COBL: variants seen among roughly 807,000 people sequenced by gnomAD.
COBL encodes cordon-bleu WH2 repeat protein.
Under a neutral mutation model 98.8 loss-of-function variants are expected in COBL, and 51 were observed. The ratio of observed to expected loss-of-function variants is 0.52; its 90% confidence interval spans 0.41 to 0.65. The LOEUF is 0.65. Ranked by LOEUF, COBL falls within the 30% of genes least tolerant of loss-of-function variation. The probability of loss-of-function intolerance (pLI) is 0.00; values close to 1 mark genes in which losing one functional copy is unlikely to be tolerated. For missense variants in COBL, 1,617 were observed against 1,617.5 expected (o/e 1.00, Z 0.01); for synonymous variants, 634 against 651.7 (o/e 0.97, Z 0.41).
rs751218326 is a variant in COBL, at chr7:51,029,410, G to A, written c.1686C>T (p.Asn562=). 2 of 1,614,094 alleles carry A rather than the reference G, an allele frequency of 1.2e-6. No homozygotes were observed. Among genetic ancestry groups the A allele is most frequent in the South Asian group, 2.2e-5 (2 of 91,072 alleles). The change falls in exon 10 of 13, where the codon AAC becomes AAT. Residue 562 remains asparagine (N), a synonymous_variant. Transcript: ENST00000265136. ...VDSGLFSNRN[N]NAGSFDSEGV... is the part of the protein sequence containing the mutation. Reference sequence around the variant, plus strand: ...CCTCCGAGTCGAAAGACCCAGCATTGTTGTTTCTATTGGAAAACAACCCCG... The same window carrying A: ...CCTCCGAGTCGAAAGACCCAGCATTATTGTTTCTATTGGAAAACAACCCCG...
chr7:51,037,660 A>C (rs1788773430), intron 8 of COBL, among the ~76,000 whole-genome samples: 1 of 152,102 alleles, frequency 6.6e-6, no homozygotes, highest in African/African-American at 2.4e-5. Context: ...TCTTGGGCTG[A>C]GCTCTTCCTT....
At chr7:51,251,879 A>C (rs1796758855) in intron 1 of COBL, among the ~76,000 whole-genome samples, 1 of 151,812 alleles carries the variant, frequency 6.6e-6, no homozygotes, top group Non-Finnish European at 1.5e-5. Context: ...CACACACACA[A>C]CCATTTTTGC....
chr7:51,023,369 A>G (rs1436184348), intron 12 of COBL, among the ~76,000 whole-genome samples: 1 of 152,216 alleles, frequency 6.6e-6, no homozygotes, highest in Non-Finnish European at 1.5e-5. Flanking sequence ...CCATCTGGGT[A>G]AGGAGACTTT....
At chr7:51,260,036 T>G (rs1797580765) in intron 1 of COBL, 3 of 857,570 alleles carry the variant, frequency 3.5e-6, no homozygotes, top group Non-Finnish European at 5.8e-6. Flanking sequence ...TGAGCCCTTT[T>G]CCTTTCCTCT....
At chr7:51,271,789 G>A (rs1339735721) in intron 1 of COBL, among the ~76,000 whole-genome samples, 1 of 152,182 alleles carries the variant, frequency 6.6e-6, no homozygotes, top group Non-Finnish European at 1.5e-5. Flanking sequence ...CAACACTTTG[G>A]AAGACCGAGG....
At chr7:51,071,040 T>A (rs1792497000) in intron 7 of COBL, 1 of 152,212 alleles carries the variant, frequency 6.6e-6, no homozygotes. Context: ...AAATAATGCA[T>A]AGTTTTTCTT....
At position 51,027,737 on chromosome 7, in the gene COBL, G is replaced by A. The variant is rs753952013; in HGVS notation, c.3359C>T (p.Ala1120Val). The A allele has an allele frequency of 1.4e-5, 23 of 1,613,606 alleles. No individual in the cohort carries two copies. The South Asian group carries it at 1.9e-4, about 13-fold the overall frequency. Reference protein sequence around the residue: ...HSALMEAIHSAGGKDRLRKTA... With the variant: ...HSALMEAIHSVGGKDRLRKTA... ...CTTGCGTAGTCTGTCCTTCCCTCCC[G>A]CAGAGTGGATGGCTTCCATCAGGGC... The change falls in exon 10 of 13, where the codon GCG (alanine) becomes GTG (valine). Residue 1120 changes from alanine (A) to valine (V), a missense_variant. This residue lies in a region of COBL where 1,304 missense variants were observed against 1,282.0 expected (regional missense o/e 1.02). Coordinates refer to ENST00000265136, the MANE Select transcript of COBL (RefSeq NM_015198.5).
intron 8 of COBL, among the ~76,000 whole-genome samples, chr7:51,039,350 AC>A (rs1309533521): frequency 6.6e-6 from 1 of 152,030 alleles, no homozygotes; most frequent in Non-Finnish European, 1.5e-5. Context: ...TCACAAGTTC[AC>A]CTTGAGTCTG....
At chr7:51,134,151 AACG>A (rs1311337173) in intron 6 of COBL, among the ~76,000 whole-genome samples, 7 of 152,208 alleles carry the variant, frequency 4.6e-5, no homozygotes, top group African/African-American at 1.2e-4. Flanking sequence ...CTTCCCCAAC[AACG>A]ACGACAATAC....
chr7:51,085,404 A>C, intron 6 of COBL, 100 bp from the exon 7 acceptor site: 1 of 1,307,362 alleles, frequency 7.6e-7, no homozygotes. Flanking sequence ...AGGGACCTGC[A>C]CCGGAAGGTG....
intron 5 of COBL, among the ~76,000 whole-genome samples, chr7:51,141,513 G>T (rs1421651029): frequency 6.6e-6 from 1 of 152,164 alleles, no homozygotes; most frequent in Non-Finnish European, 1.5e-5. Context: ...AGCTACTCAG[G>T]ATGGCTCAGC....
At chr7:51,274,185 G>A (rs112527556) in intron 1 of COBL, among the ~76,000 whole-genome samples, 8 of 152,194 alleles carry the variant, frequency 5.3e-5, no homozygotes, top group Admixed American at 1.3e-4. Context: ...CTCCCCACAC[G>A]GTAGACACAC....
chr7:51,018,890 T>TTCCAGCCTGGG (rs1222779274), intron 12 of COBL, among the ~76,000 whole-genome samples: 1 of 9,624 alleles, frequency 1.0e-4, no homozygotes, highest in Non-Finnish European at 2.0e-4. Flanking sequence ...AAACTCCATC[T>TTCCAGCCTGGG]CAAAAAAAAA....
At chr7:51,017,677 G>A in intron 12 of COBL, 109 bp from the exon 13 acceptor site, 1 of 1,154,106 alleles carries the variant, frequency 8.7e-7, no homozygotes, top group Non-Finnish European at 1.3e-6. Flanking sequence ...TAGTACTCCT[G>A]GAACCCCCTT....
intron 1 of COBL, among the ~76,000 whole-genome samples, chr7:51,313,505 AT>A (rs2129222834): frequency 6.6e-6 from 1 of 152,378 alleles, no homozygotes; most frequent in South Asian, 2.1e-4. Context: ...GACGAAACTG[AT>A]TAGCAAAACT....
intron 1 of COBL, among the ~76,000 whole-genome samples, chr7:51,272,144 C>T (rs1010758297): frequency 2.6e-5 from 4 of 152,192 alleles, no homozygotes; most frequent in Non-Finnish European, 5.9e-5. Context: ...ACATTTTAAA[C>T]TCACTCATTT....
chr7:51,259,758 C>T, intron 1 of COBL: 1 of 747,254 alleles, frequency 1.3e-6, no homozygotes, highest in Admixed American at 1.7e-5. Flanking sequence ...ACCCAGATCA[C>T]ATAAGTTTCC....
At chr7:51,128,735 T>G (rs754964831) in intron 6 of COBL, among the ~76,000 whole-genome samples, 33 of 150,510 alleles carry the variant, frequency 2.2e-4, no homozygotes, top group East Asian at 9.7e-4. Context: ...GGAGGCTCCA[T>G]AAGACAGTGC....
At chr7:51,259,105 T>C (rs1405374398) in intron 1 of COBL, among the ~76,000 whole-genome samples, 1 of 152,034 alleles carries the variant, frequency 6.6e-6, no homozygotes, top group Admixed American at 6.6e-5. Flanking sequence ...CTGACCAACA[T>C]GGTGAAACCC....
Sources: gnomAD v4.1 joint callset for allele counts (sites outside exome capture counted in the v4.1 genomes callset) on GRCh38, gnomAD v4.1.1 for gene constraint, gnomAD v4.1.1 regional missense constraint, MANE v1.5 for transcripts, NCBI Gene and HGNC (gene_info 2026-07-23, HGNC 2026-07-21) for gene names.